Variants in AFF1 observed in about 807,000 individuals in gnomAD.
The protein encoded by AFF1 is AF4/FMR2 family member 1.
AFF1 carries 48 observed loss-of-function variants against 121.7 expected under a neutral mutation model. The ratio of observed to expected loss-of-function variants is 0.39; its 90% confidence interval spans 0.31 to 0.50. The LOEUF (loss-of-function observed/expected upper bound fraction) is 0.50. Among genes scored for constraint, AFF1 ranks in the 20% least tolerant of loss-of-function variants. AFF1 has a pLI of 0.76. For missense variants in AFF1, 1,523 were observed against 1,511.7 expected, an observed-to-expected ratio of 1.01 and a Z score of -0.12; for synonymous variants, 613 against 563.0, an observed-to-expected ratio of 1.09 and a Z score of -1.26.
chr4:87,104,294 A>C (rs2149742717), intron 8 of AFF1, among the ~76,000 whole-genome samples: 1 of 152,304 alleles, frequency 6.6e-6, no homozygotes, highest in Admixed American at 6.5e-5. Context: ...AGTCCCAACT[A>C]TTCGGGAGGC....
At chr4:87,016,679 T>C (rs1727333740) in intron 2 of AFF1, among the ~76,000 whole-genome samples, 1 of 152,144 alleles carries the variant, frequency 6.6e-6, no homozygotes, top group Non-Finnish European at 1.5e-5. Flanking sequence ...GAACATTTTA[T>C]CCCATACCTG....
In AFF1 at chr4:87,011,139, C is replaced by CT. The variant is rs898915671; in HGVS notation, c.39-35025dup. 7.2e-5 allele frequency among the ~76,000 whole-genome samples: 11 copies of CT among 151,822 alleles called. No homozygotes were observed. The South Asian group carries it at 2.3e-3, about 32-fold the overall frequency. ...TGATGCCACCTGAGAACCCCTGGCC[C>CT]TTCTCCACCCTGGGGCAGGGGTGTA... On this transcript the variant is annotated intron_variant, in intron 2 of 20. Coordinates refer to ENST00000395146, the MANE Select transcript of AFF1 (RefSeq NM_001166693.3).
chr4:86,993,088 C>T (rs1278261283), intron 2 of AFF1, among the ~76,000 whole-genome samples: 1 of 152,096 alleles, frequency 6.6e-6, no homozygotes, highest in Non-Finnish European at 1.5e-5. Flanking sequence ...AAACAGAGTC[C>T]ACAGCCAAGA....
chr4:86,939,895 A>G (rs911880226), intron 1 of AFF1, among the ~76,000 whole-genome samples: 4 of 152,236 alleles, frequency 2.6e-5, no homozygotes, highest in Non-Finnish European at 5.9e-5. Context: ...TATTTCTGGA[A>G]CAACACTTTG....
chr4:87,017,330 G>A (rs1560542461), intron 2 of AFF1, among the ~76,000 whole-genome samples: 1 of 151,952 alleles, frequency 6.6e-6, no homozygotes, highest in East Asian at 1.9e-4. Flanking sequence ...TTTTGCATTT[G>A]ATTATTAGAA....
At chr4:87,063,844 A>T (rs1721064385) in intron 4 of AFF1, among the ~76,000 whole-genome samples, 2 of 152,212 alleles carry the variant, frequency 1.3e-5, no homozygotes, top group South Asian at 4.1e-4. Flanking sequence ...ATTGTATATT[A>T]TCCATCTTCA....
At chr4:86,949,688 G>A in intron 2 of AFF1, 3 of 1,570,938 alleles carry the variant, frequency 1.9e-6, no homozygotes, top group Non-Finnish European at 2.6e-6. Flanking sequence ...GGGGATGATG[G>A]GCATGCGCAG....
At chr4:86,944,373 GTTTTT>G (rs201558786) in intron 1 of AFF1, among the ~76,000 whole-genome samples, 2 of 148,666 alleles carry the variant, frequency 1.3e-5, no homozygotes, top group African/African-American at 5.0e-5. Context: ...TTTTCTGGAG[GTTTTT>G]TTTTTTTTTG....
At chr4:87,020,780 G>C (rs1165672842) in intron 2 of AFF1, 9 of 985,222 alleles carry the variant, frequency 9.1e-6, no homozygotes, top group Non-Finnish European at 1.1e-5. Flanking sequence ...ACCATGCCCA[G>C]TAATGCCATG....
At position 86,995,701 on chromosome 4, in the gene AFF1, G is replaced by A. The variant is rs1473872303; in HGVS notation, c.38+47130G>A. 7.8e-4 allele frequency among the ~76,000 whole-genome samples: 119 copies of A among 151,920 alleles called. 1 individual carries two copies. The highest frequency in any genetic ancestry group is 6.8e-3 in the Middle Eastern group (2 of 294). ...CAGCAGCCTGCCTTGGCCTCCCAAAGTGCCGAGATTGCAGCCTCTGCCCGG... is the reference window on the plus strand; with the variant it reads ...CAGCAGCCTGCCTTGGCCTCCCAAAATGCCGAGATTGCAGCCTCTGCCCGG... On this transcript the variant is annotated intron_variant, in intron 2 of 20. Transcript: ENST00000395146.
intron 2 of AFF1, among the ~76,000 whole-genome samples, chr4:86,983,318 G>A (rs553669103): frequency 3.3e-5 from 5 of 152,096 alleles, no homozygotes; most frequent in Admixed American, 3.3e-4. Context: ...ACCTGAGGTC[G>A]GAGTTTGAGA....
At chr4:87,027,294 AG>A (rs1240705299) in intron 2 of AFF1, among the ~76,000 whole-genome samples, 1 of 152,252 alleles carries the variant, frequency 6.6e-6, no homozygotes, top group Non-Finnish European at 1.5e-5. Flanking sequence ...TGAAGGTGTT[AG>A]GTAAGTGCTC....
Position 87,108,333 on chromosome 4 carries a change from G to C in AFF1, c.1533+18G>C, listed in dbSNP as rs1289518910. On this transcript the variant is annotated intron_variant, in intron 11 of 20. Transcript: ENST00000395146. The stretch of plus-strand genomic sequence containing the variant: ...CTCCGGAGGTACCGTGTTCCCCCTC[G>C]AGATGGCCACCTTAGATGGCAGCAT... 6.2e-7 allele frequency: 1 copy of C among 1,609,188 alleles called. No homozygotes were observed. Among genetic ancestry groups the C allele is most frequent in the Non-Finnish European group, 8.5e-7 (1 of 1,179,200 alleles).
In AFF1 at chr4:87,052,005, A is replaced by T. The variant is rs569294876; in HGVS notation, c.1059+4411A>T. The stretch of plus-strand genomic sequence containing the variant: ...CTGACTTAAAAATGGTGGTCAGCAC[A>T]GGACCCTCTGAGGAGGCACCTTTCA... On this transcript the variant is annotated intron_variant, in intron 4 of 20. Coordinates refer to ENST00000395146, the MANE Select transcript of AFF1 (RefSeq NM_001166693.3). 3.3e-5 allele frequency among the ~76,000 whole-genome samples: 5 copies of T among 152,370 alleles called. No homozygotes were observed. In the East Asian group the frequency reaches 9.6e-4, roughly 29 times the overall value.
Position 87,059,384 on chromosome 4 carries a change from A to G in AFF1, c.1059+11790A>G, listed in dbSNP as rs185091153. ...TCAATTCCTTTCTGTCATATACTCC[A>G]TTGTTTTGAAAGCAGCTTGATCCTA... On this transcript the variant is annotated intron_variant, in intron 4 of 20. Coordinates refer to ENST00000395146, the MANE Select transcript of AFF1 (RefSeq NM_001166693.3). Among the ~76,000 whole-genome samples the G allele has an allele frequency of 2.0e-5, 3 of 152,216 alleles. No individual in the cohort carries two copies. In the East Asian group the frequency reaches 5.8e-4, roughly 29 times the overall value.
intron 4 of AFF1, among the ~76,000 whole-genome samples, chr4:87,077,196 C>T (rs374177964): frequency 6.6e-5 from 10 of 152,266 alleles, no homozygotes; most frequent in South Asian, 4.1e-4. Flanking sequence ...TTGGAAAGTT[C>T]GTGAAGTTTA....
At chr4:87,112,042 G>A (rs924602044) in intron 11 of AFF1, among the ~76,000 whole-genome samples, 3 of 152,202 alleles carry the variant, frequency 2.0e-5, no homozygotes, top group African/African-American at 4.8e-5. Flanking sequence ...GGGTGCAGTT[G>A]TAGATATAGC....
rs183614787 is a variant in AFF1 at position 86,976,339 on chromosome 4, G to A, written c.38+27768G>A. Reference sequence around the variant, plus strand: ...AGAGAGGTGGGTGGTGTAGAAAGGCGCTCCGCATTATGGAATCAACCATGG... The same window carrying A: ...AGAGAGGTGGGTGGTGTAGAAAGGCACTCCGCATTATGGAATCAACCATGG... On this transcript the variant is annotated intron_variant, in intron 2 of 20. Coordinates refer to ENST00000395146, the MANE Select transcript of AFF1 (RefSeq NM_001166693.3). Among the ~76,000 whole-genome samples, 175 of 152,262 alleles carry A rather than the reference G, an allele frequency of 1.1e-3. 3 individuals carry two copies. Among genetic ancestry groups the A allele is most frequent in the Non-Finnish European group, 2.8e-4 (19 of 68,028 alleles).
At chr4:86,999,716 G>A (rs141635111) in intron 2 of AFF1, among the ~76,000 whole-genome samples, 3 of 152,322 alleles carry the variant, frequency 2.0e-5, no homozygotes, top group African/African-American at 7.2e-5. Flanking sequence ...GGATGTGTGA[G>A]CAGAAAGAAT....
Sources: allele counts gnomAD v4.1 joint callset (sites outside exome capture counted in the v4.1 genomes callset), GRCh38; gene constraint gnomAD v4.1.1; transcripts MANE v1.5; gene names NCBI Gene and HGNC (gene_info 2026-07-23, HGNC 2026-07-21).